TACC2: variants seen among roughly 807,000 people sequenced by gnomAD.
The protein encoded by TACC2 is transforming acidic coiled-coil containing protein 2.
A neutral mutation model predicts 227.3 loss-of-function variants in TACC2; 137 were observed. The ratio of observed to expected loss-of-function variants is 0.60; its 90% CI spans 0.52 to 0.69. The LOEUF is 0.69. TACC2 is among the 30% of genes least tolerant of loss of function. The pLI, the probability that TACC2 is intolerant of heterozygous loss-of-function variation, is 0.00. For synonymous variants in TACC2, 1,523 were observed against 1,487.5 expected (o/e 1.02, Z -0.55); for missense variants, 3,470 against 3,694.4 (o/e 0.94, Z 1.57).
chr10:122,211,391 T>A lies in TACC2; in HGVS notation c.6966T>A (p.Pro2322=). 1 of 1,614,016 alleles carries A rather than the reference T, an allele frequency of 6.2e-7. No individual in the cohort carries two copies. Among genetic ancestry groups the A allele is most frequent in the Non-Finnish European group, 8.5e-7 (1 of 1,179,982 alleles). The change falls in exon 9 of 23, where the codon CCT becomes CCA. Residue 2322 remains proline (P), a synonymous_variant. Coordinates refer to ENST00000369005, the MANE Select transcript of TACC2 (RefSeq NM_206862.4). ...CTCCTGCCTCACCTCCCAGATCCCCTGCTGAACCCAATGACATCCCCATTG... is the reference window on the plus strand; with the variant it reads ...CTCCTGCCTCACCTCCCAGATCCCCAGCTGAACCCAATGACATCCCCATTG... ...DNTPASPPRS[P]AEPNDIPIAK... is the part of the protein sequence containing the mutation.
intron 8 of TACC2, among the ~76,000 whole-genome samples, chr10:122,208,773 T>C (rs539728066): frequency 6.6e-6 from 1 of 152,314 alleles, no homozygotes; most frequent in African/African-American, 2.4e-5. Context: ...GAGGCACACA[T>C]TGGAAACGCT....
chr10:122,125,236 C>G (rs1278379194), intron 5 of TACC2, among the ~76,000 whole-genome samples: 3 of 152,140 alleles, frequency 2.0e-5, no homozygotes, highest in African/African-American at 7.2e-5. Flanking sequence ...ACTTTTGTTG[C>G]TCAGGCTGGA....
chr10:122,240,734 G>T (rs1239057360), intron 18 of TACC2, among the ~76,000 whole-genome samples: 1 of 152,198 alleles, frequency 6.6e-6, no homozygotes, highest in Admixed American at 6.5e-5. Context: ...TGGTTCTCTT[G>T]TGGGGAATAA....
chr10:122,021,697 C>T (rs543153393), intron 1 of TACC2, among the ~76,000 whole-genome samples: 8 of 152,156 alleles, frequency 5.3e-5, no homozygotes, highest in Non-Finnish European at 8.8e-5. Flanking sequence ...GTAACAAACC[C>T]GTTTTTCAGA....
chr10:122,163,189 C>A (rs528195494), intron 7 of TACC2, among the ~76,000 whole-genome samples: 7 of 152,256 alleles, frequency 4.6e-5, no homozygotes, highest in Admixed American at 1.3e-4. Context: ...AAAGGGCGCA[C>A]GTCTCTCCCA....
At chr10:122,166,555 G>A (rs562454348) in intron 7 of TACC2, among the ~76,000 whole-genome samples, 207 of 152,228 alleles carry the variant, frequency 1.4e-3, no homozygotes, top group African/African-American at 4.7e-3. Context: ...TCCCAGGGTC[G>A]GCCACACATG....
intron 5 of TACC2, among the ~76,000 whole-genome samples, chr10:122,123,918 A>G (rs917667517): frequency 6.7e-6 from 1 of 150,190 alleles, no homozygotes; most frequent in African/African-American, 2.4e-5. Flanking sequence ...GGGTTAAGCA[A>G]TTCTCTTGCC....
chr10:122,231,955 C>T (rs752225690), intron 16 of TACC2, among the ~76,000 whole-genome samples: 1 of 152,198 alleles, frequency 6.6e-6, no homozygotes, highest in African/African-American at 2.4e-5. Context: ...GTAGGAGTTC[C>T]GGCTGCTGCT....
intron 1 of TACC2, among the ~76,000 whole-genome samples, chr10:122,008,264 A>ATTATTATTATTTAT: frequency 3.7e-5 from 5 of 134,664 alleles, no homozygotes; most frequent in South Asian, 4.8e-4. Flanking sequence ...TATTATTATT[A>ATTATTATTATTTAT]TTTTTTTTTT....
intron 7 of TACC2, among the ~76,000 whole-genome samples, chr10:122,147,822 C>A (rs1474460599): frequency 6.6e-6 from 1 of 152,144 alleles, no homozygotes; most frequent in Non-Finnish European, 1.5e-5. Context: ...TGGCCAGCTG[C>A]CTGCCAAGAC....
chr10:122,118,080 C>T (rs1185846694), intron 5 of TACC2, among the ~76,000 whole-genome samples: 1 of 148,824 alleles, frequency 6.7e-6, no homozygotes, highest in Non-Finnish European at 1.5e-5. Flanking sequence ...GTGGTGCCAT[C>T]TCAGCTCACG....
chr10:122,203,659 T>C (rs573335871), intron 8 of TACC2, among the ~76,000 whole-genome samples: 3 of 148,340 alleles, frequency 2.0e-5, no homozygotes, highest in East Asian at 4.1e-4. Context: ...GAAGAGACGC[T>C]CCTCACTTTC....
chr10:122,192,624 G>A (rs1188521139), intron 7 of TACC2: 12 of 449,870 alleles, frequency 2.7e-5, no homozygotes, highest in African/African-American at 2.0e-4. Context: ...CAAGAGATAC[G>A]AGCAGGGGAA....
At chr10:122,089,723 A>C (rs1002051241) in intron 5 of TACC2, among the ~76,000 whole-genome samples, 10 of 151,780 alleles carry the variant, frequency 6.6e-5, no homozygotes, top group Admixed American at 1.3e-4. Context: ...ACCCTACCAA[A>C]CAGCTGCAGG....
intron 1 of TACC2, among the ~76,000 whole-genome samples, chr10:122,002,584 C>T (rs879633175): frequency 2.0e-4 from 31 of 152,134 alleles, no homozygotes; most frequent in Non-Finnish European, 4.3e-4. Context: ...TTTGGTAAAA[C>T]TCCCTCGTGA....
intron 3 of TACC2, among the ~76,000 whole-genome samples, chr10:122,072,737 A>G (rs972352019): frequency 5.9e-5 from 9 of 152,198 alleles, no homozygotes; most frequent in African/African-American, 2.2e-4. Flanking sequence ...GTTTAAAAAT[A>G]TGTATTTCTT....
intron 9 of TACC2, among the ~76,000 whole-genome samples, chr10:122,213,602 C>T (rs1210710473): frequency 6.6e-6 from 1 of 152,210 alleles, no homozygotes; most frequent in Admixed American, 6.5e-5. Context: ...TGTGATTATC[C>T]AGCATCTGCC....
intron 5 of TACC2, among the ~76,000 whole-genome samples, chr10:122,102,031 C>T (rs921090555): frequency 6.6e-6 from 1 of 152,058 alleles, no homozygotes. Flanking sequence ...ATTGTGCAAA[C>T]ATCATAAAGT....
At chr10:122,163,249 C>G (rs971556333) in intron 7 of TACC2, among the ~76,000 whole-genome samples, 5 of 152,122 alleles carry the variant, frequency 3.3e-5, no homozygotes, top group African/African-American at 1.2e-4. Flanking sequence ...ACCTGTTCCT[C>G]CAGCCATCCC....
Sources: allele counts gnomAD v4.1 joint callset (sites outside exome capture counted in the v4.1 genomes callset), GRCh38; gene constraint gnomAD v4.1.1; transcripts MANE v1.5; gene names NCBI Gene and HGNC (gene_info 2026-07-23, HGNC 2026-07-21).